The following KCNH7 variants were observed in gnomAD, a reference collection of about 807,000 sequenced individuals.
KCNH7 encodes voltage-gated inwardly rectifying potassium channel KCNH7.
Under a neutral mutation model 120.8 loss-of-function variants are expected in KCNH7, and 49 were observed. That is an observed-to-expected ratio of 0.41 (90% CI 0.32 to 0.51). The LOEUF is 0.51. Ranked by LOEUF, KCNH7 falls within the 20% of genes least tolerant of loss-of-function variation. The pLI, the probability that KCNH7 is intolerant of heterozygous loss-of-function variation, is 0.38. For synonymous variants in KCNH7, 547 were observed against 516.1 expected (o/e 1.06, Z -0.81); for missense variants, 1,097 against 1,446.6 (o/e 0.76, Z 3.92).
In KCNH7 at chr2:162,498,491, TG is replaced by T. The variant is rs565323164; in HGVS notation, c.1128+5951del. 8.3e-4 allele frequency among the ~76,000 whole-genome samples: 12 copies of T among 14,522 alleles called. No individual in the cohort carries two copies. In the South Asian group the frequency reaches 0.014, roughly 17 times the overall value. 9.5% of individuals were successfully genotyped at this position (14,522 alleles called of 152,430 possible). On this transcript the variant is annotated intron_variant, in intron 6 of 15. Coordinates refer to ENST00000332142, the MANE Select transcript of KCNH7 (RefSeq NM_033272.4). ...CTGCCCAATGTGGACTCTGTGTGTG[TG>T]GGGGGGAGGGTGGGGGTGTGCACGT...
intron 2 of KCNH7, among the ~76,000 whole-genome samples, chr2:162,614,677 G>GTATATATATT (rs942090345): frequency 1.3e-5 from 2 of 148,334 alleles, no homozygotes; most frequent in Admixed American, 6.8e-5. Context: ...CCTGAGGAAT[G>GTATATATATT]TATATATATT....
chr2:162,450,158 T>C lies in KCNH7; in HGVS notation c.1129-3715A>G, dbSNP rs551515179. ...TTCCTATTAGGCTTCAAAAGCCAAT[T>C]TAAATGGTGTTACTTGAAAACTATA... On this transcript the variant is annotated intron_variant, in intron 6 of 15. Coordinates refer to ENST00000332142, the MANE Select transcript of KCNH7 (RefSeq NM_033272.4). Among the ~76,000 whole-genome samples the C allele has an allele frequency of 1.2e-4, 19 of 152,214 alleles. 1 individual carries two copies. Among genetic ancestry groups the C allele is most frequent in the Admixed American group, 3.3e-4 (5 of 15,246 alleles).
intron 9 of KCNH7, among the ~76,000 whole-genome samples, chr2:162,401,809 G>T (rs1687071712): frequency 6.6e-6 from 1 of 151,798 alleles, no homozygotes; most frequent in Non-Finnish European, 1.5e-5. Context: ...CTGAATTCTG[G>T]TCATGGATTT....
chr2:162,603,296 T>G (rs895770784), intron 2 of KCNH7, among the ~76,000 whole-genome samples: 9 of 152,050 alleles, frequency 5.9e-5, no homozygotes, highest in Non-Finnish European at 1.0e-4. Context: ...AATATGGTGG[T>G]TTTTATAATT....
chr2:162,706,211 T>C (rs2105350462), intron 2 of KCNH7, among the ~76,000 whole-genome samples: 1 of 152,234 alleles, frequency 6.6e-6, no homozygotes, highest in East Asian at 1.9e-4. Context: ...TTACTTAAAG[T>C]TCCCCCTTTT....
chr2:162,423,122 T>A, intron 9 of KCNH7: 2 of 944,674 alleles, frequency 2.1e-6, no homozygotes. Context: ...GTTTGCATCA[T>A]GTTATAATGC....
At chr2:162,627,827 T>G (rs1175027770) in intron 2 of KCNH7, among the ~76,000 whole-genome samples, 1 of 152,168 alleles carries the variant, frequency 6.6e-6, no homozygotes, top group Non-Finnish European at 1.5e-5. Flanking sequence ...AGAAGGAAAC[T>G]ATATCTTTAT....
intron 2 of KCNH7, among the ~76,000 whole-genome samples, chr2:162,790,952 A>T (rs1683915804): frequency 1.3e-5 from 2 of 152,144 alleles, no homozygotes; most frequent in African/African-American, 4.8e-5. Context: ...TCAACATAGT[A>T]CTTGAAATCT....
At chr2:162,647,367 G>A (rs994367747) in intron 2 of KCNH7, among the ~76,000 whole-genome samples, 4 of 152,108 alleles carry the variant, frequency 2.6e-5, no homozygotes, top group Non-Finnish European at 5.9e-5. Flanking sequence ...TTACATATGA[G>A]GCTTTCACAG....
chr2:162,727,640 G>T (rs1392150768), intron 2 of KCNH7, among the ~76,000 whole-genome samples: 1 of 152,044 alleles, frequency 6.6e-6, no homozygotes, highest in Non-Finnish European at 1.5e-5. Context: ...ATGTTTTTAG[G>T]ATTCATCCAT....
At chr2:162,393,517 C>T (rs1328264420) in intron 12 of KCNH7, among the ~76,000 whole-genome samples, 1 of 151,822 alleles carries the variant, frequency 6.6e-6, no homozygotes, top group Non-Finnish European at 1.5e-5. Context: ...TTGAAATTAT[C>T]TTCAGGGAGT....
chr2:162,448,587 G>C (rs1448824312), intron 6 of KCNH7, among the ~76,000 whole-genome samples: 2 of 152,116 alleles, frequency 1.3e-5, no homozygotes, highest in African/African-American at 4.8e-5. Context: ...GTATATTTGT[G>C]TGAGTTTGCT....
chr2:162,468,512 CTTTTTTT>C (rs1166606647), intron 6 of KCNH7, among the ~76,000 whole-genome samples: 47 of 78,904 alleles, frequency 6.0e-4, no homozygotes, highest in African/African-American at 9.4e-4. Context: ...TATTCTTTTC[CTTTTTTT>C]TTTTTTTTTT....
At chr2:162,753,028 G>C (rs113000078) in intron 2 of KCNH7, among the ~76,000 whole-genome samples, 25 of 133,476 alleles carry the variant, frequency 1.9e-4, no homozygotes, top group Non-Finnish European at 3.5e-4. Context: ...GAAAAGAAAA[G>C]AAACCCTGAC....
At chr2:162,380,240 CA>C (rs2105403209) in intron 13 of KCNH7, among the ~76,000 whole-genome samples, 1 of 152,240 alleles carries the variant, frequency 6.6e-6, no homozygotes, top group Non-Finnish European at 1.5e-5. Context: ...TCCATGTGAA[CA>C]AAAACATGTA....
At chr2:162,509,146 C>T (rs1170221877) in intron 5 of KCNH7, among the ~76,000 whole-genome samples, 1 of 151,328 alleles carries the variant, frequency 6.6e-6, no homozygotes, top group Admixed American at 6.6e-5. Flanking sequence ...TACATTTAGA[C>T]ATGAAGCTAG....
Position 162,384,918 on chromosome 2 carries a change from T to C in KCNH7, c.2732A>G (p.Glu911Gly), listed in dbSNP as rs1274934414. Residue 911 changes from glutamate to glycine, a missense_variant, in exon 13 of 16, where the codon GAA (glutamate) becomes GGA (glycine). Coordinates refer to ENST00000332142, the MANE Select transcript of KCNH7 (RefSeq NM_033272.4). ...GEKENSTNDP[E>G]DSADTIRHYQ... ...ATGTCTTATGGTATCTGCAGAGTCT[T>C]CAGGATCATTTGTACTGTTTTCTTT... 1 of 1,609,334 alleles carries C rather than the reference T, an allele frequency of 6.2e-7. No individual in the cohort carries two copies. The highest frequency in any genetic ancestry group is 8.5e-7 in the Non-Finnish European group (1 of 1,177,586).
At chr2:162,837,439 GT>G (rs1183463835) in intron 1 of KCNH7, among the ~76,000 whole-genome samples, 6 of 152,246 alleles carry the variant, frequency 3.9e-5, no homozygotes, top group African/African-American at 1.4e-4. Flanking sequence ...GATCCTTGAA[GT>G]TTTCTGTAGT....
chr2:162,524,402 C>A (rs1341258743), intron 3 of KCNH7, among the ~76,000 whole-genome samples: 1 of 151,988 alleles, frequency 6.6e-6, no homozygotes, highest in African/African-American at 2.4e-5. Context: ...CAGCAGTGTA[C>A]CTGGAACAGC....
Sources: allele counts gnomAD v4.1 joint callset (sites outside exome capture counted in the v4.1 genomes callset), GRCh38; gene constraint gnomAD v4.1.1; transcripts MANE v1.5; gene names NCBI Gene and HGNC (gene_info 2026-07-23, HGNC 2026-07-21).